Variants in SVEP1 observed in about 807,000 individuals in gnomAD.
SVEP1 encodes sushi, von Willebrand factor type A, EGF and pentraxin domain containing 1, also known as sushi, von Willebrand factor type A, EGF and pentraxin domain-containing protein 1.
SVEP1 carries 164 observed loss-of-function variants against 367.3 expected under a neutral mutation model. That is an observed-to-expected ratio of 0.45 (90% CI 0.39 to 0.51). The LOEUF (loss-of-function observed/expected upper bound fraction) is 0.51. SVEP1 is among the 20% of genes least tolerant of loss of function. The pLI is 0.00. For missense variants in SVEP1, 4,117 were observed against 4,425.3 expected (o/e 0.93, Z 1.98); for synonymous variants, 1,666 against 1,611.6 (o/e 1.03, Z -0.81).
chr9:110,428,780 G>C, intron 35 of SVEP1, among the ~76,000 whole-genome samples: 1 of 151,964 alleles, frequency 6.6e-6, no homozygotes. Context: ...GAAACCTATT[G>C]AGTAAAGAAT....
At position 110,486,653 on chromosome 9, in the gene SVEP1, CTCTTT is replaced by C. The variant is rs923505934; in HGVS notation, c.1931-2965_1931-2961del. 1.2e-4 allele frequency among the ~76,000 whole-genome samples: 9 copies of C among 77,876 alleles called. No individual in the cohort carries two copies. The South Asian group carries it at 3.3e-3, about 28-fold the overall frequency. 51.1% of individuals were successfully genotyped at this position (77,876 alleles called of 152,430 possible). On this transcript the variant is annotated intron_variant, in intron 9 of 47. Transcript: ENST00000374469. ...TCCTTCTCTTTCTCTCTCTCTCTCTCTCTTTTTTTTTTTAGATGGAGTCTCTCTCT... is the reference window on the plus strand; with the variant it reads ...TCCTTCTCTTTCTCTCTCTCTCTCTCTTTTTTTTAGATGGAGTCTCTCTCT...
In SVEP1 at chr9:110,450,141, G is replaced by A. The variant is rs376575455; in HGVS notation, c.4021C>T (p.Arg1341Ter). ...CKCPPGFLGTRCGKNVDECLS... is the reference protein window; with the variant it reads ...CKCPPGFLGT Reference sequence around the variant, plus strand: ...CACTCATCGACGTTCTTTCCACATCGGGTACCCAAAAATCCAGGTGGGCAT... The same window carrying A: ...CACTCATCGACGTTCTTTCCACATCAGGTACCCAAAAATCCAGGTGGGCAT... Residue 1341 changes from arginine (R) to a stop codon, truncating the protein, a stop_gained, in exon 24 of 48, where the codon CGA becomes TGA. Coordinates refer to ENST00000374469, the MANE Select transcript of SVEP1 (RefSeq NM_153366.4). LOFTEE classifies it high-confidence loss of function. 2 of 1,613,800 alleles carry A rather than the reference G, an allele frequency of 1.2e-6. No individual in the cohort carries two copies. Among genetic ancestry groups the A allele is most frequent in the Non-Finnish European group, 8.5e-7 (1 of 1,179,820 alleles).
chr9:110,446,312 CT>C (rs577515207), intron 25 of SVEP1, among the ~76,000 whole-genome samples: 244 of 152,262 alleles, frequency 1.6e-3, no homozygotes, highest in African/African-American at 5.5e-3. Context: ...TGAAATGCTA[CT>C]AAAGCCAGGA....
At chr9:110,370,621 A>C (rs1029348598) in intron 46 of SVEP1, among the ~76,000 whole-genome samples, 2 of 152,200 alleles carry the variant, frequency 1.3e-5, no homozygotes, top group Admixed American at 6.5e-5. Context: ...CTGGTTAGTC[A>C]CAGATAAAAC....
chr9:110,529,510 ATTTG>A (rs1212330509), intron 3 of SVEP1, among the ~76,000 whole-genome samples: 1 of 151,918 alleles, frequency 6.6e-6, no homozygotes, highest in African/African-American at 2.4e-5. Context: ...ATGTTCTTCC[ATTTG>A]TTTGTGTCAT....
chr9:110,492,597 G>C (rs1289053148), intron 8 of SVEP1, among the ~76,000 whole-genome samples: 1 of 151,892 alleles, frequency 6.6e-6, no homozygotes, highest in Non-Finnish European at 1.5e-5. Flanking sequence ...CACAGCAGTG[G>C]CTGGATATAT....
chr9:110,426,933 T>A (rs2254168), intron 36 of SVEP1, among the ~76,000 whole-genome samples: 3 of 151,982 alleles, frequency 2.0e-5, no homozygotes, highest in Admixed American at 6.6e-5. Context: ...GTCATCTTTA[T>A]GTTATGACTT....
chr9:110,556,409 C>T (rs937080416), intron 1 of SVEP1, among the ~76,000 whole-genome samples: 7 of 152,198 alleles, frequency 4.6e-5, no homozygotes, highest in African/African-American at 1.7e-4. Context: ...CCAACTGCAA[C>T]ACAACCTTAA....
At chr9:110,505,811 T>A (rs1319981769) in intron 5 of SVEP1, among the ~76,000 whole-genome samples, 1 of 144,504 alleles carries the variant, frequency 6.9e-6, no homozygotes, top group African/African-American at 2.4e-5. Flanking sequence ...TCTTATTTTC[T>A]TTTCTCTCTT....
intron 3 of SVEP1, among the ~76,000 whole-genome samples, chr9:110,541,575 A>T (rs73534539): frequency 0.074 from 11,281 of 152,064 alleles, 697 homozygotes; most frequent in African/African-American, 0.16. Context: ...ATGCTCATTC[A>T]TTAGCTTTCT....
At chr9:110,460,367 A>G (rs1828839152) in intron 18 of SVEP1, among the ~76,000 whole-genome samples, 1 of 152,238 alleles carries the variant, frequency 6.6e-6, no homozygotes, top group Admixed American at 6.5e-5. Flanking sequence ...ACAGTAGAGT[A>G]AAAAGTATAA....
intron 36 of SVEP1, among the ~76,000 whole-genome samples, chr9:110,426,378 A>T (rs1224329412): frequency 3.3e-5 from 5 of 150,162 alleles, no homozygotes; most frequent in African/African-American, 1.2e-4. Flanking sequence ...GGGTTCATTG[A>T]TTTTTTTTTT....
intron 40 of SVEP1, 124 bp downstream of exon 40, chr9:110,400,730 G>C: frequency 9.2e-7 from 1 of 1,086,392 alleles, no homozygotes; most frequent in Admixed American, 3.0e-5. Context: ...GAGTATAAGG[G>C]AACAAAGTAT....
intron 40 of SVEP1, 140 bp downstream of exon 40, chr9:110,400,714 A>T: frequency 1.1e-6 from 1 of 951,182 alleles, no homozygotes; most frequent in South Asian, 2.2e-5. Context: ...TTCTTGGAAA[A>T]TGTTAGAGTA....
chr9:110,535,252 A>T (rs958234082), intron 3 of SVEP1, among the ~76,000 whole-genome samples: 5 of 152,164 alleles, frequency 3.3e-5, no homozygotes, highest in African/African-American at 1.2e-4. Flanking sequence ...CAGTTATCCC[A>T]GCACAATTTA....
rs999992382 is a variant in SVEP1 at position 110,434,024 on chromosome 9, G to A, written c.5059+312C>T. Among the ~76,000 whole-genome samples, 3 of 152,208 alleles carry A rather than the reference G, an allele frequency of 2.0e-5. No homozygotes were observed. The East Asian group carries it at 5.8e-4, about 29-fold the overall frequency. ...GAATGAATGAATGCACTCGACTGAAGATGGCTCTCCCTGTTTCCCCCTCCA... is the reference window on the plus strand; with the variant it reads ...GAATGAATGAATGCACTCGACTGAAAATGGCTCTCCCTGTTTCCCCCTCCA... On this transcript the variant is annotated intron_variant, in intron 30 of 47. Transcript: ENST00000374469.
At chr9:110,563,668 A>G (rs1229120490) in intron 1 of SVEP1, among the ~76,000 whole-genome samples, 1 of 152,178 alleles carries the variant, frequency 6.6e-6, no homozygotes, top group Non-Finnish European at 1.5e-5. Context: ...TTCTAACCCG[A>G]AAGTAGGGAG....
rs1483689336 is a variant in SVEP1, at chr9:110,427,575, C to A, written c.5975+16G>T. On this transcript the variant is annotated intron_variant, in intron 36 of 47. Coordinates refer to ENST00000374469, the MANE Select transcript of SVEP1 (RefSeq NM_153366.4). Reference sequence around the variant, plus strand: ...CTTGGCTCTCAATGATCCTTTCCTTCACAGGCCCTACTCACCCTTCTTTGC... The same window carrying A: ...CTTGGCTCTCAATGATCCTTTCCTTAACAGGCCCTACTCACCCTTCTTTGC... The A allele has an allele frequency of 6.2e-7, 1 of 1,608,180 alleles. No homozygotes were observed. The highest frequency in any genetic ancestry group is 8.5e-7 in the Non-Finnish European group (1 of 1,176,954).
At chr9:110,522,682 GT>G (rs35561246) in intron 3 of SVEP1, among the ~76,000 whole-genome samples, 1 of 152,172 alleles carries the variant, frequency 6.6e-6, no homozygotes, top group African/African-American at 2.4e-5. Flanking sequence ...TCTGAGTGTA[GT>G]TTGGTGTTTA....
Sources: gnomAD v4.1 joint callset for allele counts (sites outside exome capture counted in the v4.1 genomes callset) on GRCh38, gnomAD v4.1.1 for gene constraint, MANE v1.5 for transcripts, NCBI Gene and HGNC (gene_info 2026-07-23, HGNC 2026-07-21) for gene names.